The following CATSPERG variants were observed in gnomAD, a reference collection of about 807,000 sequenced individuals.
CATSPERG encodes the protein catsper channel auxiliary subunit gamma.
Under a neutral mutation model 145.0 loss-of-function variants are expected in CATSPERG, and 115 were observed. That is an observed-to-expected ratio of 0.79 (90% CI 0.68 to 0.93). The LOEUF (loss-of-function observed/expected upper bound fraction) is 0.93. Ranked by LOEUF, CATSPERG falls within the 40% of genes least tolerant of loss-of-function variation. The pLI, the probability that CATSPERG is intolerant of heterozygous loss-of-function variation, is 0.00. For missense variants in CATSPERG, 1,296 were observed against 1,490.1 expected (o/e 0.87, Z 2.14); for synonymous variants, 588 against 589.0 (o/e 1.00, Z 0.02).
rs541824635 is a variant in CATSPERG, at chr19:38,338,276, G to T, written c.324+630G>T. Reference sequence around the variant, plus strand: ...CCATTCTCCTGCCTCAGCCTCCCAAGTAGCTGGGACTACAGGCGCCTGCCA... The same window carrying T: ...CCATTCTCCTGCCTCAGCCTCCCAATTAGCTGGGACTACAGGCGCCTGCCA... On this transcript the variant is annotated intron_variant, in intron 3 of 28. Coordinates refer to ENST00000409235, the MANE Select transcript of CATSPERG (RefSeq NM_021185.5). 7.9e-5 allele frequency among the ~76,000 whole-genome samples: 12 copies of T among 152,128 alleles called. No individual in the cohort carries two copies. In the East Asian group the frequency reaches 1.9e-3, roughly 25 times the overall value.
intron 7 of CATSPERG, chr19:38,349,649 TTTG>T (rs1384736179): frequency 2.8e-5 from 4 of 141,140 alleles, no homozygotes; most frequent in East Asian, 2.0e-4. Context: ...ATTGTTTTTT[TTTG>T]TTTGTTTGTT....
At chr19:38,365,185 C>T (rs1276441935) in intron 22 of CATSPERG, 68 bp downstream of exon 22, 3 of 1,357,396 alleles carry the variant, frequency 2.2e-6, no homozygotes, top group Non-Finnish European at 3.2e-6. Context: ...AGGGCTAATC[C>T]CCCTGAGAAT....
chr19:38,359,906 A>G (rs1970314620), intron 14 of CATSPERG: 8 of 1,055,028 alleles, frequency 7.6e-6, no homozygotes, highest in Non-Finnish European at 9.2e-6. Flanking sequence ...CAGGGCTGCA[A>G]TGGGGAAAAT....
intron 26 of CATSPERG, 100 bp from the exon 27 acceptor site, chr19:38,369,872 C>A: frequency 9.6e-7 from 1 of 1,039,476 alleles, no homozygotes; most frequent in Non-Finnish European, 1.5e-6. Context: ...AGATTGCACC[C>A]ATTTGGTCCT....
At chr19:38,338,436 C>T (rs1969881781) in intron 3 of CATSPERG, among the ~76,000 whole-genome samples, 1 of 152,214 alleles carries the variant, frequency 6.6e-6, no homozygotes, top group South Asian at 2.1e-4. Context: ...GCGTGAGCCA[C>T]CTCACCCGGC....
Position 38,361,653 on chromosome 19 carries a change from A to G in CATSPERG, c.1886A>G (p.Tyr629Cys). ...TCCCCCTTGCCACTGCCCAGGGGCT[A>G]CTTGATGCTCTCCTTCATCGACTTC... is the stretch of plus-strand genomic sequence containing the variant. ...SHYDLERKGGYLMLSFIDFCP... is the reference protein window; with the variant it reads ...SHYDLERKGGCLMLSFIDFCP... Residue 629 changes from tyrosine to cysteine, a missense_variant, in exon 17 of 29, where the codon TAC (tyrosine) becomes TGC (cysteine). Coordinates refer to ENST00000409235, the MANE Select transcript of CATSPERG (RefSeq NM_021185.5). 1.2e-6 allele frequency: 2 copies of G among 1,608,474 alleles called. No individual in the cohort carries two copies. The highest frequency in any genetic ancestry group is 1.7e-6 in the Non-Finnish European group (2 of 1,179,542).
At chr19:38,367,873 C>T (rs1447610429) in intron 25 of CATSPERG, 97 bp downstream of exon 25, 16 of 1,252,648 alleles carry the variant, frequency 1.3e-5, no homozygotes, top group Admixed American at 3.5e-5. Flanking sequence ...CCCACCTCTG[C>T]GTCTCAGGCC....
rs1423944420 is a variant in CATSPERG, at chr19:38,362,257, C to A, written c.2142C>A (p.Asn714Lys). 3 of 1,612,832 alleles carry A rather than the reference C, an allele frequency of 1.9e-6. No homozygotes were observed. The highest frequency in any genetic ancestry group is 2.7e-5 in the African/African-American group (2 of 74,868). The change falls in exon 18 of 29, where the codon AAC becomes AAA. Residue 714 changes from asparagine to lysine, a missense_variant. Coordinates refer to ENST00000409235, the MANE Select transcript of CATSPERG (RefSeq NM_021185.5). ...VHDPTWRWWA[N>K]NKQDQDYYFF... ...ACCCCACCTGGCGCTGGTGGGCGAA[C>A]AACAAACAAGACCAGGTAGGCGGAG... is the stretch of plus-strand genomic sequence containing the variant.
intron 5 of CATSPERG, 57 bp downstream of exon 5, chr19:38,344,176 G>T: frequency 1.3e-6 from 2 of 1,547,938 alleles, no homozygotes; most frequent in Non-Finnish European, 1.7e-6. Flanking sequence ...CTCACCCCAG[G>T]GTCCCCAGAG....
intron 1 of CATSPERG, chr19:38,336,587 C>A (rs149332914): frequency 5.3e-5 from 14 of 262,648 alleles, no homozygotes; most frequent in African/African-American, 3.0e-4. Flanking sequence ...CAGTACCCAG[C>A]CCCTGGGCAG....
chr19:38,364,170 T>A (rs1389671505), intron 20 of CATSPERG, among the ~76,000 whole-genome samples: 2 of 150,416 alleles, frequency 1.3e-5, no homozygotes, highest in Non-Finnish European at 3.0e-5. Context: ...CAGGACGGGG[T>A]GGCTGCCGGG....
In CATSPERG at chr19:38,344,260, G is replaced by C. The variant is rs1049447705; in HGVS notation, c.597-36G>C. ...ACGAGCTGTGGAACCCCTGACACTG[G>C]GACCTCACCTGCGCCTATTCTGCAC... is the stretch of plus-strand genomic sequence containing the variant. On this transcript the variant is annotated intron_variant, in intron 5 of 28. Transcript: ENST00000409235. 17 of 1,547,444 alleles carry C rather than the reference G, an allele frequency of 1.1e-5. No individual in the cohort carries two copies. The African/African-American group carries it at 2.2e-4, about 20-fold the overall frequency.
chr19:38,354,922 G>A, intron 9 of CATSPERG, 75 bp downstream of exon 9: 2 of 1,531,570 alleles, frequency 1.3e-6, no homozygotes, highest in Non-Finnish European at 1.8e-6. Context: ...CTAACCTTGG[G>A]CCCTCACTCA....
chr19:38,355,882 G>C (rs1970234214), intron 9 of CATSPERG, among the ~76,000 whole-genome samples: 1 of 152,154 alleles, frequency 6.6e-6, no homozygotes, highest in Non-Finnish European at 1.5e-5. Context: ...ATTCTGGAGA[G>C]AGACTGCTCC....
chr19:38,364,362 CGG>C (rs1970410628), intron 20 of CATSPERG, among the ~76,000 whole-genome samples: 1 of 151,514 alleles, frequency 6.6e-6, no homozygotes, highest in African/African-American at 2.4e-5. Flanking sequence ...ACATCCCAGA[CGG>C]GGCAGCGGGG....
Position 38,367,823 on chromosome 19 carries a change from A to C in CATSPERG, c.2930+47A>C, listed in dbSNP as rs995367290. On this transcript the variant is annotated intron_variant, in intron 25 of 28. Transcript: ENST00000409235. ...GTGTAATCCACCTTGCTTCCCCTGG[A>C]GGCCTTTCCCACTTCCAAGCCAAGC... is the stretch of plus-strand genomic sequence containing the variant. 3.8e-6 allele frequency: 6 copies of C among 1,563,442 alleles called. No individual in the cohort carries two copies. The African/African-American group carries it at 8.1e-5, about 21-fold the overall frequency.
rs753859501 is a variant in CATSPERG, at chr19:38,361,674, A to T, written c.1907A>T (p.Asp636Val). The change falls in exon 17 of 29, where the codon GAC becomes GTC. Residue 636 changes from aspartate to valine, a missense_variant. Asp to Val is a radical substitution (Grantham distance 152). Coordinates refer to ENST00000409235, the MANE Select transcript of CATSPERG (RefSeq NM_021185.5). ...KGGYLMLSFI[D>V]FCPFSVMRLR... The stretch of plus-strand genomic sequence containing the variant: ...GGCTACTTGATGCTCTCCTTCATCG[A>T]CTTCTGCCCCTTCTCGGTGATGCGC... 1 of 1,607,846 alleles carries T rather than the reference A, an allele frequency of 6.2e-7. No homozygotes were observed. The highest frequency in any genetic ancestry group is 8.5e-7 in the Non-Finnish European group (1 of 1,179,096).
rs369322220 is a variant in CATSPERG at position 38,370,160 on chromosome 19, G to A, written c.3115G>A (p.Gly1039Arg). 19 of 1,613,778 alleles carry A rather than the reference G, an allele frequency of 1.2e-5. No individual in the cohort carries two copies. In the African/African-American group the frequency reaches 2.1e-4, roughly 18 times the overall value. Residue 1039 changes from glycine to arginine, a missense_variant and splice_region_variant, in exon 28 of 29, where the codon GGA (glycine) becomes AGA (arginine). Coordinates refer to ENST00000409235, the MANE Select transcript of CATSPERG (RefSeq NM_021185.5). ...FFFKVLVSNRGVDTSTYCNYQ... is the reference protein window; with the variant it reads ...FFFKVLVSNRRVDTSTYCNYQ... ...TGGATCCCCTCCCAACCCCTGCAGA[G>A]GAGTGGACACGAGCACCTACTGCAA...
chr19:38,343,708 C>T lies in CATSPERG; in HGVS notation c.453C>T (p.Ala151=), dbSNP rs773950790. The T allele has an allele frequency of 3.1e-5, 48 of 1,550,596 alleles. No individual in the cohort carries two copies. Among genetic ancestry groups the T allele is most frequent in the Non-Finnish European group, 7.8e-6 (9 of 1,146,964 alleles). ...AGCTGCAGATCCAGATGGAGGCTGCCCCCTTCCGCAGCAAAGGTGGGCCTG... is the reference window on the plus strand; with the variant it reads ...AGCTGCAGATCCAGATGGAGGCTGCTCCCTTCCGCAGCAAAGGTGGGCCTG... ...IEQLQIQMEA[A]PFRSKEPCMA... is the part of the protein sequence containing the mutation. Residue 151 remains alanine, a synonymous_variant, in exon 4 of 29, where the codon GCC becomes GCT. Coordinates refer to ENST00000409235, the MANE Select transcript of CATSPERG (RefSeq NM_021185.5).
Sources: gnomAD v4.1 joint callset for allele counts (sites outside exome capture counted in the v4.1 genomes callset) on GRCh38, gnomAD v4.1.1 for gene constraint, MANE v1.5 for transcripts, NCBI Gene and HGNC (gene_info 2026-07-23, HGNC 2026-07-21) for gene names.